Variants in CTNNA2 observed in about 807,000 individuals in gnomAD.
CTNNA2 encodes catenin alpha-2.
A neutral mutation model predicts 101.0 loss-of-function variants in CTNNA2; 42 were observed. The ratio of observed to expected loss-of-function variants is 0.42; its 90% confidence interval spans 0.32 to 0.54. CTNNA2 has a LOEUF of 0.54. Ranked by LOEUF, CTNNA2 falls within the 20% of genes least tolerant of loss-of-function variation. The pLI is 0.14. For missense variants in CTNNA2, 871 were observed against 1,223.1 expected, an observed-to-expected ratio of 0.71 and a Z score of 4.29; for synonymous variants, 450 against 456.4, an observed-to-expected ratio of 0.99 and a Z score of 0.18.
At position 79,409,551 on chromosome 2, in the gene CTNNA2, T is replaced by C. The variant is rs557719262; in HGVS notation, c.-135+35538T>C. On this transcript the variant is annotated intron_variant, in intron 4 of 21. Coordinates refer to the CTNNA2 transcript ENST00000466387. The stretch of plus-strand genomic sequence containing the variant: ...AGTTTTCCCAGCACCATTTATTAAA[T>C]AGGGAATCCTTTCCCCATTGCTTGT... Among the ~76,000 whole-genome samples, 15 of 151,428 alleles carry C rather than the reference T, an allele frequency of 9.9e-5. No homozygotes were observed. In the East Asian group the frequency reaches 2.3e-3, roughly 23 times the overall value.
intron 7 of CTNNA2, among the ~76,000 whole-genome samples, chr2:80,075,569 T>TA (rs530432808): frequency 3.2e-4 from 41 of 130,042 alleles, no homozygotes; most frequent in African/African-American, 7.6e-4. Flanking sequence ...ATAAATATTA[T>TA]AAAATAATAT....
At chr2:79,515,311 G>A (rs1327361958) in intron 1 of CTNNA2, among the ~76,000 whole-genome samples, 2 of 152,192 alleles carry the variant, frequency 1.3e-5, no homozygotes, top group East Asian at 3.8e-4. Context: ...ACAAGTGAAA[G>A]ACTGTCATGT....
At chr2:80,550,022 A>G (rs570823478) in intron 11 of CTNNA2, among the ~76,000 whole-genome samples, 6 of 152,336 alleles carry the variant, frequency 3.9e-5, no homozygotes, top group African/African-American at 1.4e-4. Flanking sequence ...CAAAAAGTTC[A>G]TGTTCATGTC....
intron 7 of CTNNA2, among the ~76,000 whole-genome samples, chr2:79,961,427 G>C (rs926720647): frequency 6.6e-6 from 1 of 152,162 alleles, no homozygotes; most frequent in African/African-American, 2.4e-5. Flanking sequence ...GAGCCAGTGG[G>C]AAAGAGCTCT....
At chr2:80,039,498 C>T (rs1388432983) in intron 7 of CTNNA2, among the ~76,000 whole-genome samples, 1 of 152,172 alleles carries the variant, frequency 6.6e-6, no homozygotes, top group Non-Finnish European at 1.5e-5. Flanking sequence ...CCTCTCCTGA[C>T]TTCTACACTG....
chr2:79,842,992 A>G (rs1034107449), intron 3 of CTNNA2, among the ~76,000 whole-genome samples: 1 of 152,242 alleles, frequency 6.6e-6, no homozygotes, highest in Non-Finnish European at 1.5e-5. Flanking sequence ...ATAGATTTGT[A>G]CAATGCTGCC....
intron 7 of CTNNA2, among the ~76,000 whole-genome samples, chr2:80,072,982 G>C (rs1471761): frequency 0.29 from 44,088 of 152,056 alleles, 7,092 homozygotes; most frequent in East Asian, 0.57. Context: ...GTCTATTTTC[G>C]TGCAGAAATT....
At chr2:79,509,160 G>A (rs1339974489), upstream of CTNNA2, among the ~76,000 whole-genome samples, 1 of 151,792 alleles carries the variant, frequency 6.6e-6, no homozygotes, top group East Asian at 1.9e-4. Context: ...AAAAGTGAAA[G>A]TTTCATTGGT....
chr2:79,253,295 T>G (rs1674796955), intron 2 of CTNNA2, among the ~76,000 whole-genome samples: 1 of 152,176 alleles, frequency 6.6e-6, no homozygotes, highest in African/African-American at 2.4e-5. Context: ...TTTGCTGAAG[T>G]TAATGAGAAA....
chr2:79,568,319 A>C (rs921330781), intron 1 of CTNNA2, among the ~76,000 whole-genome samples: 1 of 152,214 alleles, frequency 6.6e-6, no homozygotes, highest in Non-Finnish European at 1.5e-5. Context: ...AAGTACCTTC[A>C]GCCTGGGCAT....
chr2:79,599,084 C>T (rs1043690929), intron 1 of CTNNA2, among the ~76,000 whole-genome samples: 1 of 152,096 alleles, frequency 6.6e-6, no homozygotes, highest in Non-Finnish European at 1.5e-5. Flanking sequence ...GTTGCCTTCT[C>T]TCTTTTGTGA....
At chr2:79,878,168 A>G (rs528207939) in intron 6 of CTNNA2, among the ~76,000 whole-genome samples, 1 of 152,180 alleles carries the variant, frequency 6.6e-6, no homozygotes, top group Non-Finnish European at 1.5e-5. Context: ...ATGGCTGCAT[A>G]GTATTCCATG....
At chr2:80,113,150 G>A (rs1474204978) in intron 7 of CTNNA2, among the ~76,000 whole-genome samples, 1 of 152,144 alleles carries the variant, frequency 6.6e-6, no homozygotes, top group Non-Finnish European at 1.5e-5. Flanking sequence ...GGAAAGTCAG[G>A]GAAATGTAGG....
intron 2 of CTNNA2, among the ~76,000 whole-genome samples, chr2:79,278,940 T>C (rs1044672500): frequency 6.6e-6 from 1 of 152,066 alleles, no homozygotes; most frequent in African/African-American, 2.4e-5. Context: ...AGAGAATTCA[T>C]AGAAAGTGTC....
At chr2:80,619,347 C>G (rs1213453630) in intron 18 of CTNNA2, 119 bp downstream of exon 18, 15 of 1,128,170 alleles carry the variant, frequency 1.3e-5, no homozygotes, top group South Asian at 3.1e-5. Flanking sequence ...TAATATTAAC[C>G]AACTTTGGGC....
At chr2:79,540,393 A>G (rs559945904) in intron 1 of CTNNA2, among the ~76,000 whole-genome samples, 1 of 152,320 alleles carries the variant, frequency 6.6e-6, no homozygotes, top group East Asian at 1.9e-4. Flanking sequence ...AGAGCACCTT[A>G]AACAGTGTCT....
chr2:79,624,410 T>C (rs1679181699), intron 1 of CTNNA2, among the ~76,000 whole-genome samples: 1 of 152,018 alleles, frequency 6.6e-6, no homozygotes, highest in African/African-American at 2.4e-5. Context: ...ACAATAAGCA[T>C]GTAATTAAAA....
At chr2:79,519,111 C>T (rs1050993705) in intron 1 of CTNNA2, among the ~76,000 whole-genome samples, 4 of 151,746 alleles carry the variant, frequency 2.6e-5, no homozygotes, top group Non-Finnish European at 5.9e-5. Flanking sequence ...CGACTGTAAT[C>T]CCAGTTACTT....
chr2:79,582,043 G>C (rs1375785909), intron 1 of CTNNA2, among the ~76,000 whole-genome samples: 2 of 152,196 alleles, frequency 1.3e-5, no homozygotes, highest in African/African-American at 4.8e-5. Context: ...ATGTAGTCTA[G>C]ACTATAATTT....
Sources: gnomAD v4.1 joint callset for allele counts (sites outside exome capture counted in the v4.1 genomes callset) on GRCh38, gnomAD v4.1.1 for gene constraint, MANE v1.5 for transcripts, NCBI Gene and HGNC (gene_info 2026-07-23, HGNC 2026-07-21) for gene names.